The following FHDC1 variants were observed in gnomAD, a reference collection of about 807,000 sequenced individuals.
FHDC1 encodes FH2 domain-containing protein 1.
In FHDC1, 25 loss-of-function variants were observed where a neutral mutation model predicts 52.6. The observed-to-expected ratio is 0.48, with a 90% CI of 0.35 to 0.66. FHDC1 has a LOEUF of 0.66. Among genes scored for constraint, FHDC1 ranks in the 30% least tolerant of loss-of-function variants. FHDC1 has a pLI of 0.01. For missense variants in FHDC1, 1,459 were observed against 1,452.8 expected (o/e 1.00, Z -0.07); for synonymous variants, 616 against 581.5 (o/e 1.06, Z -0.85).
At position 152,975,490 on chromosome 4, in the gene FHDC1, G is replaced by A; in HGVS notation, c.2199G>A (p.Gly733=). ...SLTPMGRDAL[G]SLSPALEDGK... ...CACCCATGGGCAGAGATGCCCTGGG[G>A]AGTCTCAGCCCAGCGCTGGAGGATG... Residue 733 remains glycine, a synonymous_variant, in exon 12 of 12, where the codon GGG becomes GGA. Coordinates refer to ENST00000511601, the MANE Select transcript of FHDC1 (RefSeq NM_001371116.1). The A allele has an allele frequency of 6.2e-7, 1 of 1,613,416 alleles. No individual in the cohort carries two copies. Among genetic ancestry groups the A allele is most frequent in the East Asian group, 2.2e-5 (1 of 44,880 alleles).
the FHDC1 span, among the ~76,000 whole-genome samples, chr4:152,917,809 G>A: frequency 6.6e-6 from 1 of 152,188 alleles, no homozygotes; most frequent in African/African-American, 2.4e-5. Context: ...GATTCCTGAA[G>A]TGGGCACTAA....
intron 2 of FHDC1, among the ~76,000 whole-genome samples, chr4:152,952,030 AAAACAAAC>A (rs368536866): frequency 4.6e-5 from 7 of 152,160 alleles, no homozygotes; most frequent in Admixed American, 6.5e-5. Flanking sequence ...GAAAAATGCA[AAAACAAAC>A]AAACAAACAA....
Position 152,953,521 on chromosome 4 carries a change from G to A in FHDC1, c.521G>A (p.Arg174Gln), listed in dbSNP as rs752268371. Residue 174 changes from arginine to glutamine, a missense_variant, in exon 3 of 12, where the codon CGG (arginine) becomes CAG (glutamine). By Grantham distance (43) the Arg-to-Gln change is conservative (BLOSUM62 1). Around this residue, in one of 3 missense-constraint regions of FHDC1, gnomAD observed 513 missense variants for 581.5 expected, o/e 0.88. Transcript: ENST00000511601. ...CAGATTACTATTTTGGATGCAAAAC[G>A]GAGCATGAACATTGGGATATTTCTT... ...REEITILDAK[R>Q]SMNIGIFLKQ... is the part of the protein sequence containing the mutation. 61 of 1,611,968 alleles carry A rather than the reference G, an allele frequency of 3.8e-5. No individual in the cohort carries two copies. The highest frequency in any genetic ancestry group is 1.8e-4 in the East Asian group (8 of 44,872).
At position 152,974,603 on chromosome 4, in the gene FHDC1, C is replaced by T. The variant is rs1018808506; in HGVS notation, c.1384-72C>T. 3.1e-5 allele frequency: 46 copies of T among 1,484,574 alleles called. No individual in the cohort carries two copies. In the Admixed American group the frequency reaches 4.6e-4, roughly 15 times the overall value. 92.0% of individuals were successfully genotyped at this position (1,484,574 alleles called of 1,614,324 possible). On this transcript the variant is annotated intron_variant, in intron 11 of 11. Transcript: ENST00000511601. ...GCCTGTATCTTTCTTTGGCTCTTAG[C>T]GTAGGTGGCTCTGGAACTGCACATT... is the stretch of plus-strand genomic sequence containing the variant.
In FHDC1 at chr4:152,943,491, C is replaced by T. The variant is rs1318481170; in HGVS notation, c.434C>T (p.Thr145Ile). The T allele has an allele frequency of 1.9e-6, 3 of 1,613,986 alleles. No individual in the cohort carries two copies. The highest frequency in any genetic ancestry group is 2.5e-6 in the Non-Finnish European group (3 of 1,179,924). The stretch of plus-strand genomic sequence containing the variant: ...CTCTTTGGGCAGCAGGAAGACACCA[C>T]CAAGTCTTCCCTTCCTAGGAGAGGA... ...EELFGQQEDT[T>I]KSSLPRRGRT... The change falls in exon 2 of 12, where the codon ACC becomes ATC. Residue 145 changes from threonine to isoleucine, a missense_variant. By Grantham distance (89) the Thr-to-Ile change is moderately conservative. Around this residue, in one of 3 missense-constraint regions of FHDC1, gnomAD observed 513 missense variants for 581.5 expected, o/e 0.88. Coordinates refer to ENST00000511601, the MANE Select transcript of FHDC1 (RefSeq NM_001371116.1).
chr4:152,957,087 C>T (rs1221881349), intron 4 of FHDC1, among the ~76,000 whole-genome samples: 1 of 152,036 alleles, frequency 6.6e-6, no homozygotes, highest in South Asian at 2.1e-4. Context: ...TTGGAGGATG[C>T]GGAAGAGGCC....
chr4:152,969,086 T>TAA (rs72178531), intron 10 of FHDC1, among the ~76,000 whole-genome samples: 6 of 137,032 alleles, frequency 4.4e-5, no homozygotes, highest in East Asian at 2.1e-4. Flanking sequence ...TCTTCCTTAT[T>TAA]AAAAAAAAAA....
chr4:152,943,095 A>G lies in FHDC1; in HGVS notation c.38A>G (p.Lys13Arg), dbSNP rs1375851276. The change falls in exon 2 of 12, where the codon AAA becomes AGA. Residue 13 changes from lysine to arginine, a missense_variant. Physicochemically the swap from Lys to Arg is conservative, Grantham distance 26. Transcript: ENST00000511601. ...AATTGTGTCTCCTTGGTCAGTGATA[A>G]AGAAAATGGGAATATTGCCACAGCA... is the stretch of plus-strand genomic sequence containing the variant. ...VMNCVSLVSD[K>R]ENGNIATAPG... 1 of 1,613,778 alleles carries G rather than the reference A, an allele frequency of 6.2e-7. No individual in the cohort carries two copies. The highest frequency in any genetic ancestry group is 1.3e-5 in the African/African-American group (1 of 74,910).
intron 10 of FHDC1, among the ~76,000 whole-genome samples, chr4:152,968,637 G>A (rs1478058984): frequency 6.6e-6 from 1 of 152,122 alleles, no homozygotes; most frequent in Non-Finnish European, 1.5e-5. Flanking sequence ...GCCCAAGCCT[G>A]ATGTATTTGT....
Position 152,979,558 on chromosome 4 carries a change from A to C in FHDC1, c.*2835A>C, listed in dbSNP as rs950599187. 1 of 152,266 alleles carries C rather than the reference A, an allele frequency of 6.6e-6. No homozygotes were observed. The highest frequency in any genetic ancestry group is 1.5e-5 in the Non-Finnish European group (1 of 68,048). 9.4% of individuals were successfully genotyped at this position (152,266 alleles called of 1,614,324 possible). On this transcript the variant is annotated 3_prime_UTR_variant, in exon 12 of 12. Coordinates refer to ENST00000511601, the MANE Select transcript of FHDC1 (RefSeq NM_001371116.1). ...AAAATAATTTAAGAATACAATGGAG[A>C]AATGTAAATAAGTATCTATGTAAAT...
intron 9 of FHDC1, among the ~76,000 whole-genome samples, chr4:152,965,240 T>G (rs2149955143): frequency 6.6e-6 from 1 of 152,322 alleles, no homozygotes; most frequent in Non-Finnish European, 1.5e-5. Flanking sequence ...GATTAATAAT[T>G]TCAAATCCCT....
chr4:152,944,383 T>C (rs908525), intron 2 of FHDC1, among the ~76,000 whole-genome samples: 100,798 of 151,884 alleles, frequency 0.66, 33,715 homozygotes, highest in Admixed American at 0.73. Flanking sequence ...CCCGCCCACA[T>C]GCACACACAA....
At chr4:152,961,306 G>T (rs973766867) in intron 6 of FHDC1, among the ~76,000 whole-genome samples, 5 of 152,170 alleles carry the variant, frequency 3.3e-5, no homozygotes, top group African/African-American at 1.2e-4. Flanking sequence ...TCAACCGTGT[G>T]ACTCTTCTGC....
the FHDC1 span, among the ~76,000 whole-genome samples, chr4:152,925,563 A>G: frequency 3.9e-5 from 6 of 152,212 alleles, no homozygotes; most frequent in African/African-American, 1.2e-4. Flanking sequence ...ATAGAAATCT[A>G]TCATAGGATT....
chr4:152,967,755 C>T (rs575968476), intron 9 of FHDC1, among the ~76,000 whole-genome samples: 1 of 152,214 alleles, frequency 6.6e-6, no homozygotes, highest in Non-Finnish European at 1.5e-5. Context: ...ATCAAGAGTA[C>T]AGTTACAACC....
intron 2 of FHDC1, among the ~76,000 whole-genome samples, chr4:152,945,392 G>A (rs1321458204): frequency 6.6e-6 from 1 of 152,056 alleles, no homozygotes; most frequent in African/African-American, 2.4e-5. Flanking sequence ...GTTTTTAAAT[G>A]GTTTAAAAAT....
chr4:152,965,400 C>T (rs1342338548), intron 9 of FHDC1, among the ~76,000 whole-genome samples: 1 of 152,092 alleles, frequency 6.6e-6, no homozygotes, highest in Non-Finnish European at 1.5e-5. Flanking sequence ...GAGTTTGTAA[C>T]CGTACCAAGA....
chr4:152,927,807 A>T, the FHDC1 span: 1 of 1,436,658 alleles, frequency 7.0e-7, no homozygotes, highest in African/African-American at 1.4e-5. Context: ...AACCTCAAGA[A>T]GGTTGGAATT....
the FHDC1 span, chr4:152,927,558 C>T: frequency 6.4e-7 from 1 of 1,553,422 alleles, no homozygotes; most frequent in Non-Finnish European, 8.9e-7. Context: ...GTTCGAAAAC[C>T]TGAAGATTCA....
Sources: allele counts gnomAD v4.1 joint callset (sites outside exome capture counted in the v4.1 genomes callset), GRCh38; gene constraint gnomAD v4.1.1; regional missense constraint gnomAD v4.1.1; transcripts MANE v1.5; gene names NCBI Gene and HGNC (gene_info 2026-07-23, HGNC 2026-07-21).